The following CCSER2 variants were observed in gnomAD, a reference collection of about 807,000 sequenced individuals.
The protein encoded by CCSER2 is serine-rich coiled-coil domain-containing protein 2.
A neutral mutation model predicts 92.3 loss-of-function variants in CCSER2; 46 were observed. That is an observed-to-expected ratio of 0.50 (90% CI 0.39 to 0.64). CCSER2 has a LOEUF of 0.64. CCSER2 is among the 30% of genes least tolerant of loss of function. The probability of loss-of-function intolerance (pLI) is 0.00; values close to 1 mark genes in which losing one functional copy is unlikely to be tolerated. For missense variants in CCSER2, 1,244 were observed against 1,238.9 expected, an observed-to-expected ratio of 1.00 and a Z score of -0.06; for synonymous variants, 433 against 431.4, an observed-to-expected ratio of 1.00 and a Z score of -0.04.
chr10:84,381,700 G>T (rs1417588645), intron 3 of CCSER2, among the ~76,000 whole-genome samples: 1 of 152,022 alleles, frequency 6.6e-6, no homozygotes, highest in Non-Finnish European at 1.5e-5. Flanking sequence ...GGCTGAGGCA[G>T]GTGGATCACC....
chr10:84,439,556 A>T (rs1410242953), intron 6 of CCSER2, among the ~76,000 whole-genome samples: 2 of 152,204 alleles, frequency 1.3e-5, no homozygotes, highest in Non-Finnish European at 2.9e-5. Context: ...ACGAAAGGCT[A>T]GTTGAAGTGA....
intron 1 of CCSER2, among the ~76,000 whole-genome samples, chr10:84,335,180 A>G (rs6585855): frequency 0.28 from 40,532 of 146,996 alleles, 7,557 homozygotes; most frequent in African/African-American, 0.53. Flanking sequence ...GACATCTTGT[A>G]TCTGAGCAAG....
chr10:84,379,516 C>T (rs1035032409), intron 3 of CCSER2, among the ~76,000 whole-genome samples: 8 of 152,190 alleles, frequency 5.3e-5, no homozygotes, highest in Middle Eastern at 3.4e-3. Context: ...TTTCTCCCTT[C>T]TCTGGCATAT....
chr10:84,456,285 A>G (rs1845615287), intron 6 of CCSER2, among the ~76,000 whole-genome samples: 1 of 152,242 alleles, frequency 6.6e-6, no homozygotes, highest in Non-Finnish European at 1.5e-5. Flanking sequence ...AACCACTGAT[A>G]TGAAAAGATT....
chr10:84,415,399 ACTC>A (rs1357165243), intron 3 of CCSER2, among the ~76,000 whole-genome samples: 1 of 151,830 alleles, frequency 6.6e-6, no homozygotes, highest in Non-Finnish European at 1.5e-5. Flanking sequence ...CAGTCACGCT[ACTC>A]CTCCAAAGGG....
At chr10:84,353,765 G>A (rs949211667) in intron 1 of CCSER2, among the ~76,000 whole-genome samples, 1 of 152,108 alleles carries the variant, frequency 6.6e-6, no homozygotes, top group Non-Finnish European at 1.5e-5. Flanking sequence ...CTCCTAATGG[G>A]ACTGGAAGCC....
intron 1 of CCSER2, among the ~76,000 whole-genome samples, chr10:84,332,414 A>T (rs868100738): frequency 0.011 from 883 of 78,816 alleles, 14 homozygotes; most frequent in African/African-American, 0.052. Context: ...TTATTTTTTT[A>T]TATATATATA....
intron 9 of CCSER2, among the ~76,000 whole-genome samples, chr10:84,490,146 A>G (rs1008081943): frequency 2.0e-5 from 3 of 152,158 alleles, no homozygotes; most frequent in East Asian, 1.9e-4. Context: ...TGGGTAACCC[A>G]GCCTTTCTCT....
intron 6 of CCSER2, among the ~76,000 whole-genome samples, chr10:84,458,385 C>T (rs1264101687): frequency 6.6e-6 from 1 of 152,060 alleles, no homozygotes; most frequent in Non-Finnish European, 1.5e-5. Context: ...TCTTTTCTTT[C>T]CATTGATGTA....
At chr10:84,437,168 GAGAGAGAC>G (rs1443027208) in intron 5 of CCSER2, among the ~76,000 whole-genome samples, 4 of 140,190 alleles carry the variant, frequency 2.9e-5, no homozygotes, top group African/African-American at 7.5e-5. Flanking sequence ...GAGAGAGAGA[GAGAGAGAC>G]AGAGAGACAG....
chr10:84,413,695 C>G (rs1446802062), intron 3 of CCSER2, among the ~76,000 whole-genome samples: 5 of 152,112 alleles, frequency 3.3e-5, no homozygotes, highest in Non-Finnish European at 4.4e-5. Flanking sequence ...TCCTGAATAT[C>G]TTTGTTAAAT....
chr10:84,387,887 C>T (rs144366372), intron 3 of CCSER2, among the ~76,000 whole-genome samples: 9 of 151,800 alleles, frequency 5.9e-5, no homozygotes, highest in Non-Finnish European at 8.8e-5. Flanking sequence ...TTTTTTGAGA[C>T]GGAGTCTTGC....
chr10:84,429,047 T>C (rs989198857), intron 5 of CCSER2, among the ~76,000 whole-genome samples: 4 of 151,268 alleles, frequency 2.6e-5, no homozygotes, highest in Admixed American at 2.0e-4. Context: ...TGTAGTTTTG[T>C]TTTGTTTTTC....
At chr10:84,513,039 TTAATG>T (rs1344118506) in intron 9 of CCSER2, among the ~76,000 whole-genome samples, 1 of 152,206 alleles carries the variant, frequency 6.6e-6, no homozygotes, top group Non-Finnish European at 1.5e-5. Context: ...TTTTTTAACT[TTAATG>T]TAAGTAGTAT....
chr10:84,366,214 G>GATTACA (rs1487252654), intron 1 of CCSER2, among the ~76,000 whole-genome samples: 1 of 152,130 alleles, frequency 6.6e-6, no homozygotes, highest in Non-Finnish European at 1.5e-5. Flanking sequence ...AAACTGTTGA[G>GATTACA]ATTACAGGTG....
At chr10:84,380,484 T>A (rs1375580757) in intron 3 of CCSER2, among the ~76,000 whole-genome samples, 1 of 151,944 alleles carries the variant, frequency 6.6e-6, no homozygotes, top group African/African-American at 2.4e-5. Flanking sequence ...AATCTAGTAA[T>A]GTTTTACTTC....
chr10:84,513,481 C>T lies in CCSER2; in HGVS notation c.2358C>T (p.Pro786=). The change falls in exon 10 of 10, where the codon CCC becomes CCT. Residue 786 remains proline, a synonymous_variant. Transcript: ENST00000372088. Reference sequence around the variant, plus strand: ...TACTACAGCCTTCCAGCAGCCTTCCCAGACCCACAGATCACACCCAGGGAA... The same window carrying T: ...TACTACAGCCTTCCAGCAGCCTTCCTAGACCCACAGATCACACCCAGGGAA... ...PQVLQPSSSL[P]RPTDHTQGKL... is the part of the protein sequence containing the mutation. 1 of 1,613,254 alleles carries T rather than the reference C, an allele frequency of 6.2e-7. No homozygotes were observed. The highest frequency in any genetic ancestry group is 8.5e-7 in the Non-Finnish European group (1 of 1,179,536).
chr10:84,375,422 A>G (rs1056488386), intron 3 of CCSER2, among the ~76,000 whole-genome samples: 1 of 152,108 alleles, frequency 6.6e-6, no homozygotes, highest in South Asian at 2.1e-4. Context: ...GTTGAGAACC[A>G]TGTGTTGAGT....
intron 9 of CCSER2, among the ~76,000 whole-genome samples, chr10:84,494,569 C>T (rs1431570944): frequency 1.3e-5 from 2 of 152,096 alleles, no homozygotes; most frequent in East Asian, 1.9e-4. Flanking sequence ...CTTCTATTTC[C>T]CCCTCCCCTT....
Sources: allele counts gnomAD v4.1 joint callset (sites outside exome capture counted in the v4.1 genomes callset), GRCh38; gene constraint gnomAD v4.1.1; transcripts MANE v1.5; gene names NCBI Gene and HGNC (gene_info 2026-07-23, HGNC 2026-07-21).